The following SLC24A2 variants were observed in gnomAD, a reference collection of about 807,000 sequenced individuals.
SLC24A2 encodes solute carrier family 24 member 2, also known as sodium/potassium/calcium exchanger 2.
SLC24A2 carries 36 observed loss-of-function variants against 62.0 expected under a neutral mutation model. That is an observed-to-expected ratio of 0.58 (90% confidence interval 0.44 to 0.77). SLC24A2 has a LOEUF of 0.77. SLC24A2 is among the 30% of genes least tolerant of loss of function. The pLI, the probability that SLC24A2 is intolerant of heterozygous loss-of-function variation, is 0.00. For missense variants in SLC24A2, 846 were observed against 817.9 expected, an observed-to-expected ratio of 1.03 and a Z score of -0.42; for synonymous variants, 358 against 294.0, an observed-to-expected ratio of 1.22 and a Z score of -2.23.
chr9:19,805,293 G>A, the SLC24A2 span, among the ~76,000 whole-genome samples: 1 of 152,080 alleles, frequency 6.6e-6, no homozygotes, highest in African/African-American at 2.4e-5. Context: ...TAGTATAATT[G>A]AACATGACAA....
In SLC24A2 at chr9:19,513,153, G is replaced by GATATATATATATAT. The variant is rs1188899124; in HGVS notation, c.*2986_*2999dup. The stretch of plus-strand genomic sequence containing the variant: ...TGTGTACATATAGATCTGGTATAAA[G>GATATATATATATAT]ATATATATATATATATATATATGTA... On this transcript the variant is annotated 3_prime_UTR_variant, in exon 11 of 11. Transcript: ENST00000341998. 2.3e-3 allele frequency: 186 copies of GATATATATATATAT among 80,222 alleles called. No homozygotes were observed. Among genetic ancestry groups the GATATATATATATAT allele is most frequent in the African/African-American group, 6.4e-3 (136 of 21,184 alleles). 5.0% of individuals were successfully genotyped at this position (80,222 alleles called of 1,614,324 possible).
the SLC24A2 span, among the ~76,000 whole-genome samples, chr9:20,099,951 T>C: frequency 6.6e-6 from 1 of 152,210 alleles, no homozygotes. Flanking sequence ...GAAGACTTTT[T>C]GTGTCATGCT....
chr9:20,163,466 T>C, the SLC24A2 span, among the ~76,000 whole-genome samples: 1 of 151,928 alleles, frequency 6.6e-6, no homozygotes, highest in Non-Finnish European at 1.5e-5. Context: ...AAACCACTGC[T>C]CAAGGAAATA....
At chr9:19,701,426 T>A (rs1820353537) in intron 2 of SLC24A2, among the ~76,000 whole-genome samples, 1 of 152,184 alleles carries the variant, frequency 6.6e-6, no homozygotes, top group South Asian at 2.1e-4. Flanking sequence ...CGGTAGGAGT[T>A]GATACATAAA....
intron 2 of SLC24A2, among the ~76,000 whole-genome samples, chr9:19,766,350 G>A (rs1383984693): frequency 6.6e-6 from 1 of 152,200 alleles, no homozygotes; most frequent in Admixed American, 6.5e-5. Context: ...CTGGTGAGGA[G>A]TTGTGATCCT....
At chr9:19,873,179 G>A in the SLC24A2 span, among the ~76,000 whole-genome samples, 8 of 147,938 alleles carry the variant, frequency 5.4e-5, no homozygotes. Flanking sequence ...TCTAAGTAAG[G>A]TGTCCCTTCC....
chr9:19,611,646 C>T (rs1247008913), intron 4 of SLC24A2, among the ~76,000 whole-genome samples: 4 of 151,870 alleles, frequency 2.6e-5, no homozygotes, highest in African/African-American at 9.7e-5. Context: ...TTGGGGCATG[C>T]CTTTTCTGGG....
the SLC24A2 span, among the ~76,000 whole-genome samples, chr9:20,219,590 A>G: frequency 6.6e-6 from 1 of 152,142 alleles, no homozygotes; most frequent in Non-Finnish European, 1.5e-5. Context: ...TCGTTGGTAG[A>G]TTATTAAACT....
At chr9:20,064,657 A>G in the SLC24A2 span, among the ~76,000 whole-genome samples, 1 of 152,178 alleles carries the variant, frequency 6.6e-6, no homozygotes, top group Non-Finnish European at 1.5e-5. Context: ...ATCACAACTG[A>G]TGGATTTGAT....
At chr9:19,597,187 AT>A in intron 5 of SLC24A2, 41 bp downstream of exon 5, 1 of 1,310,108 alleles carries the variant, frequency 7.6e-7, no homozygotes, top group South Asian at 1.2e-5. Context: ...GACACCATAA[AT>A]GTAAAAAAGC....
chr9:19,730,871 A>G (rs1446639963), intron 2 of SLC24A2, among the ~76,000 whole-genome samples: 1 of 115,866 alleles, frequency 8.6e-6, no homozygotes, highest in African/African-American at 3.5e-5. Flanking sequence ...AAATCCTATA[A>G]CTCTTAGGTT....
chr9:20,263,268 G>A, the SLC24A2 span, among the ~76,000 whole-genome samples: 1 of 152,056 alleles, frequency 6.6e-6, no homozygotes, highest in African/African-American at 2.4e-5. Flanking sequence ...TGGAGGTGGG[G>A]GTGAGACAGG....
chr9:19,583,516 A>G (rs1244280537), intron 5 of SLC24A2, among the ~76,000 whole-genome samples: 3 of 152,212 alleles, frequency 2.0e-5, no homozygotes, highest in African/African-American at 4.8e-5. Flanking sequence ...GTTCACTGGT[A>G]TATCTCCAGT....
the SLC24A2 span, among the ~76,000 whole-genome samples, chr9:20,153,898 A>G: frequency 6.6e-6 from 1 of 151,954 alleles, no homozygotes; most frequent in African/African-American, 2.4e-5. Context: ...GTTTTAATAA[A>G]TATTTTTGCT....
chr9:20,231,953 G>A, the SLC24A2 span, among the ~76,000 whole-genome samples: 2 of 152,186 alleles, frequency 1.3e-5, no homozygotes, highest in Non-Finnish European at 2.9e-5. Flanking sequence ...AACGGTTGTT[G>A]AATTTTGTCC....
chr9:19,986,831 G>A, the SLC24A2 span, among the ~76,000 whole-genome samples: 1 of 152,032 alleles, frequency 6.6e-6, no homozygotes, highest in Non-Finnish European at 1.5e-5. Context: ...TTACTTTTGG[G>A]GTGATAATAA....
the SLC24A2 span, among the ~76,000 whole-genome samples, chr9:19,922,148 G>C: frequency 6.6e-6 from 1 of 152,126 alleles, no homozygotes; most frequent in Non-Finnish European, 1.5e-5. Context: ...CAGTCTTTTA[G>C]ATTCTAAAAG....
chr9:19,845,904 A>T, the SLC24A2 span, among the ~76,000 whole-genome samples: 1 of 151,650 alleles, frequency 6.6e-6, no homozygotes, highest in African/African-American at 2.4e-5. Flanking sequence ...TTTTTAAGAG[A>T]TCTTCTTGGT....
chr9:19,765,106 A>G (rs1383743737), intron 2 of SLC24A2, among the ~76,000 whole-genome samples: 1 of 151,664 alleles, frequency 6.6e-6, no homozygotes, highest in Admixed American at 6.6e-5. Context: ...ATCAGAGACT[A>G]GGATTGCAAC....
Sources: gnomAD v4.1 joint callset for allele counts (sites outside exome capture counted in the v4.1 genomes callset) on GRCh38, gnomAD v4.1.1 for gene constraint, MANE v1.5 for transcripts, NCBI Gene and HGNC (gene_info 2026-07-23, HGNC 2026-07-21) for gene names.